Variants in HSPA2 observed in about 807,000 individuals in gnomAD.
HSPA2 encodes heat shock protein family A (Hsp70) member 2.
A neutral mutation model predicts 35.0 loss-of-function variants in HSPA2; 13 were observed. The ratio of observed to expected loss-of-function variants is 0.37; its 90% CI spans 0.24 to 0.59. HSPA2 has a LOEUF of 0.59. Among genes scored for constraint, HSPA2 ranks in the 20% least tolerant of loss-of-function variants. The pLI, the probability that HSPA2 is intolerant of heterozygous loss-of-function variation, is 0.70. For synonymous variants in HSPA2, 368 were observed against 382.1 expected (o/e 0.96, Z 0.43); for missense variants, 565 against 885.4 (o/e 0.64, Z 4.59).
At chr14:64,537,254 AAAAG>A (rs906716871), upstream of HSPA2, among the ~76,000 whole-genome samples, 20 of 152,256 alleles carry the variant, frequency 1.3e-4, no homozygotes, top group African/African-American at 2.2e-4. Context: ...CAAAGAAAAG[AAAAG>A]AAAGAAAGAA....
upstream of HSPA2, among the ~76,000 whole-genome samples, chr14:64,536,869 C>T (rs2079983680): frequency 6.6e-6 from 1 of 152,126 alleles, no homozygotes; most frequent in Non-Finnish European, 1.5e-5. Flanking sequence ...ATATACATGG[C>T]TAATGAAAAT....
At chr14:64,537,585 A>C (rs2079988831), upstream of HSPA2, among the ~76,000 whole-genome samples, 1 of 149,606 alleles carries the variant, frequency 6.7e-6, no homozygotes, top group South Asian at 2.1e-4. Context: ...TCTCAAAAAA[A>C]ACCAAACAAA....
upstream of HSPA2, among the ~76,000 whole-genome samples, chr14:64,539,589 T>G (rs1020769897): frequency 6.6e-6 from 1 of 152,154 alleles, no homozygotes; most frequent in African/African-American, 2.4e-5. Context: ...GCCACACCCC[T>G]GTCTGCCGTC....
rs1416105709 is a variant in HSPA2 at position 64,542,208 on chromosome 14, C to A, written c.1359C>A (p.Thr453=). Residue 453 remains threonine, a synonymous_variant, in exon 1 of 1, where the codon ACC becomes ACA. Coordinates refer to ENST00000247207, the MANE Select transcript of HSPA2 (RefSeq NM_021979.4). This position sits in a 1 kb window ranked among gnomAD's most constrained non-coding sequence, Gnocchi z 5.7. ...VQVYEGERAM[T]KDNNLLGKFD... The stretch of plus-strand genomic sequence containing the variant: ...TATACGAGGGCGAACGGGCCATGAC[C>A]AAGGACAATAACCTGCTGGGCAAGT... 1 of 1,613,890 alleles carries A rather than the reference C, an allele frequency of 6.2e-7. No individual in the cohort carries two copies. The highest frequency in any genetic ancestry group is 1.1e-5 in the South Asian group (1 of 91,070).
In HSPA2 at chr14:64,542,709, C is replaced by T. The variant is rs45446693; in HGVS notation, c.1860C>T (p.Gly620=). Residue 620 remains glycine (G), a synonymous_variant, in exon 1 of 1, where the codon GGC becomes GGT. Coordinates refer to ENST00000247207, the MANE Select transcript of HSPA2 (RefSeq NM_021979.4). The surrounding 1 kb of genome is among the most constrained non-coding windows in gnomAD (Gnocchi z 5.7). ...AACTTTACCAAGGTGGTCCTGGCGG[C>T]GGCAGCGGCGGCGGCGGTTCAGGAG... ...ISKLYQGGPG[G]GSGGGGSGAS... is the part of the protein sequence containing the mutation. 15,486 of 1,613,852 alleles carry T rather than the reference C, an allele frequency of 9.6e-3. 103 individuals are homozygous for T. The highest frequency in any genetic ancestry group is 0.03 in the Middle Eastern group (180 of 6,060).
Position 64,541,240 on chromosome 14 carries a change from A to C in HSPA2, c.391A>C (p.Ile131Leu). 1 of 1,613,982 alleles carries C rather than the reference A, an allele frequency of 6.2e-7. No individual in the cohort carries two copies. Among genetic ancestry groups the C allele is most frequent in the Non-Finnish European group, 8.5e-7 (1 of 1,179,944 alleles). ...SSMVLTKMKE[I>L]AEAYLGGKVH... is the part of the protein sequence containing the mutation. ...CATGGTCCTCACGAAGATGAAGGAG[A>C]TCGCGGAAGCCTACCTGGGGGGCAA... Residue 131 changes from isoleucine to leucine, a missense_variant, in exon 1 of 1, where the codon ATC becomes CTC. Physicochemically the swap from Ile to Leu is conservative, Grantham distance 5 (BLOSUM62 2). Around this residue, in one of 4 missense-constraint regions of HSPA2, gnomAD observed 183 missense variants for 281.6 expected, o/e 0.65. Transcript: ENST00000247207.
At chr14:64,538,272 T>C (rs2079994636), upstream of HSPA2, among the ~76,000 whole-genome samples, 1 of 152,212 alleles carries the variant, frequency 6.6e-6, no homozygotes, top group South Asian at 2.1e-4. Flanking sequence ...ACAAAAGCTT[T>C]TCTCCAGCGC....
Position 64,542,155 on chromosome 14 carries a change from G to T in HSPA2, c.1306G>T (p.Asp436Tyr), listed in dbSNP as rs972500498. The T allele has an allele frequency of 1.2e-6, 2 of 1,613,774 alleles. No individual in the cohort carries two copies. The highest frequency in any genetic ancestry group is 1.7e-6 in the Non-Finnish European group (2 of 1,180,012). ...GACGCAGACCTTCACCACCTACTCG[G>T]ACAACCAGAGCAGCGTACTGGTGCA... is the stretch of plus-strand genomic sequence containing the variant. Reference protein sequence around the residue: ...KQTQTFTTYSDNQSSVLVQVY... With the variant: ...KQTQTFTTYSYNQSSVLVQVY... Residue 436 changes from aspartate to tyrosine, a missense_variant, in exon 1 of 1, where the codon GAC (aspartate) becomes TAC (tyrosine). Around this residue, in one of 4 missense-constraint regions of HSPA2, gnomAD observed 234 missense variants for 419.0 expected, o/e 0.56. Coordinates refer to ENST00000247207, the MANE Select transcript of HSPA2 (RefSeq NM_021979.4). The surrounding 1 kb of genome is among the most constrained non-coding windows in gnomAD (Gnocchi z 5.7).
Position 64,541,636 on chromosome 14 carries a change from G to T in HSPA2, c.787G>T (p.Val263Leu). Residue 263 changes from valine (V) to leucine (L), a missense_variant, in exon 1 of 1, where the codon GTG (valine) becomes TTG (leucine). This residue lies in a region of HSPA2 where 234 missense variants were observed against 419.0 expected (regional missense o/e 0.56). Coordinates refer to ENST00000247207, the MANE Select transcript of HSPA2 (RefSeq NM_021979.4). ...KKDIGPNKRA[V>L]RRLRTACERA... ...GGACATTGGGCCCAACAAGCGCGCCGTGAGGCGGCTGCGCACCGCTTGCGA... is the reference window on the plus strand; with the variant it reads ...GGACATTGGGCCCAACAAGCGCGCCTTGAGGCGGCTGCGCACCGCTTGCGA... The T allele has an allele frequency of 6.2e-7, 1 of 1,611,338 alleles. No homozygotes were observed. The highest frequency in any genetic ancestry group is 1.1e-5 in the South Asian group (1 of 91,072).
Position 64,541,801 on chromosome 14 carries a change from G to C in HSPA2, c.952G>C (p.Glu318Gln), listed in dbSNP as rs146018194. The C allele has an allele frequency of 6.2e-7, 1 of 1,613,526 alleles. No individual in the cohort carries two copies. The highest frequency in any genetic ancestry group is 1.3e-5 in the African/African-American group (1 of 75,046). The change falls in exon 1 of 1, where the codon GAG becomes CAG. Residue 318 changes from glutamate to glutamine, a missense_variant. Glu to Gln is a conservative substitution (Grantham distance 29). Around this residue, in one of 4 missense-constraint regions of HSPA2, gnomAD observed 234 missense variants for 419.0 expected, o/e 0.56. Coordinates refer to ENST00000247207, the MANE Select transcript of HSPA2 (RefSeq NM_021979.4). ...TGCCGACCTCTTTCGCGGGACCCTG[G>C]AGCCGGTGGAGAAGGCGCTGCGCGA... is the stretch of plus-strand genomic sequence containing the variant. ...LNADLFRGTLEPVEKALRDAK... is the reference protein window; with the variant it reads ...LNADLFRGTLQPVEKALRDAK...
Sources: allele counts gnomAD v4.1 joint callset (sites outside exome capture counted in the v4.1 genomes callset), GRCh38; gene constraint gnomAD v4.1.1; regional missense constraint gnomAD v4.1.1; non-coding constraint Gnocchi (gnomAD v3.1); transcripts MANE v1.5; gene names NCBI Gene and HGNC (gene_info 2026-07-23, HGNC 2026-07-21).